The following XYLB variants were observed in gnomAD, a reference collection of about 807,000 sequenced individuals.
The protein encoded by XYLB is xylulokinase.
In XYLB, 62 loss-of-function variants were observed where a neutral mutation model predicts 78.7. The observed-to-expected ratio is 0.79, with a 90% CI of 0.64 to 0.97. The LOEUF (loss-of-function observed/expected upper bound fraction) is 0.97. XYLB is among the 50% of genes least tolerant of loss of function. The pLI, the probability that XYLB is intolerant of heterozygous loss-of-function variation, is 0.00. For synonymous variants in XYLB, 245 were observed against 247.4 expected, an observed-to-expected ratio of 0.99 and a Z score of 0.09; for missense variants, 687 against 676.8, an observed-to-expected ratio of 1.02 and a Z score of -0.17.
At chr3:38,396,298 G>T (rs1489324149) in intron 16 of XYLB, among the ~76,000 whole-genome samples, 1 of 152,220 alleles carries the variant, frequency 6.6e-6, no homozygotes, top group Non-Finnish European at 1.5e-5. Context: ...GTCTTGTCTG[G>T]AGTCTACTTC....
Position 38,346,813 on chromosome 3 carries a change from T to C in XYLB, c.-56T>C. The C allele has an allele frequency of 1.4e-6, 2 of 1,456,706 alleles. No homozygotes were observed. The highest frequency in any genetic ancestry group is 1.8e-6 in the Non-Finnish European group (2 of 1,099,558). 90.2% of individuals were successfully genotyped at this position (1,456,706 alleles called of 1,614,324 possible). On this transcript the variant is annotated 5_prime_UTR_variant, in exon 1 of 19. Coordinates refer to ENST00000207870, the MANE Select transcript of XYLB (RefSeq NM_005108.4). ...TCTGGGCGCTGGAGCGCGGCGACTA[T>C]CACGCCGCGTGGCGGACGGACGGAC... is the stretch of plus-strand genomic sequence containing the variant.
chr3:38,366,943 C>A, intron 7 of XYLB, 70 bp downstream of exon 7: 3 of 1,065,288 alleles, frequency 2.8e-6, no homozygotes, highest in Non-Finnish European at 4.3e-6. Flanking sequence ...AGAATAGATA[C>A]ATCTTACGTG....
intron 18 of XYLB, among the ~76,000 whole-genome samples, chr3:38,410,088 C>A (rs967258344): frequency 5.4e-4 from 82 of 152,206 alleles, no homozygotes; most frequent in Non-Finnish European, 9.3e-4. Flanking sequence ...CAATCCTAAG[C>A]CAAAAGAACA....
At chr3:38,430,538 T>C in the XYLB span, among the ~76,000 whole-genome samples, 1 of 152,380 alleles carries the variant, frequency 6.6e-6, no homozygotes, top group Non-Finnish European at 1.5e-5. Context: ...TCTTTTGCTG[T>C]GCAGAAGCTC....
rs1209655764 is a variant in XYLB, at chr3:38,407,705, G to A, written c.1534-5231G>A. 6.4e-3 allele frequency among the ~76,000 whole-genome samples: 977 copies of A among 151,490 alleles called. 3 individuals carry two copies. Among genetic ancestry groups the A allele is most frequent in the Non-Finnish European group, 0.011 (750 of 67,820 alleles). On this transcript the variant is annotated intron_variant, in intron 18 of 18. Coordinates refer to ENST00000207870, the MANE Select transcript of XYLB (RefSeq NM_005108.4). ...TGGAGGAAGATCTACCAAACAAATG[G>A]AAAACAAAAAAAGGCAGGGGTTGCA...
rs568516291 is a variant in XYLB, at chr3:38,414,746, G to A, written c.*1733G>A. 3 of 152,068 alleles carry A rather than the reference G, an allele frequency of 2.0e-5. No individual in the cohort carries two copies. Among genetic ancestry groups the A allele is most frequent in the African/African-American group, 7.2e-5 (3 of 41,408 alleles). 9.4% of individuals were successfully genotyped at this position (152,068 alleles called of 1,614,324 possible). On this transcript the variant is annotated 3_prime_UTR_variant, in exon 19 of 19. Coordinates refer to ENST00000207870, the MANE Select transcript of XYLB (RefSeq NM_005108.4). ...ATAGATATGGTCACAAGTACATTAA[G>A]GCACGTAGAAGGTAGGAGTAAGAAA...
chr3:38,407,350 A>T (rs1390663081), intron 18 of XYLB, among the ~76,000 whole-genome samples: 1 of 152,012 alleles, frequency 6.6e-6, no homozygotes, highest in East Asian at 1.9e-4. Context: ...TTTTGTCACC[A>T]CCAGGCCTGC....
At chr3:38,417,805 G>A (rs888416019), downstream of XYLB, among the ~76,000 whole-genome samples, 6 of 151,186 alleles carry the variant, frequency 4.0e-5, no homozygotes, top group African/African-American at 4.9e-5. Context: ...GCTTGAACCC[G>A]GGAGGTTGAG....
intron 7 of XYLB, 109 bp from the exon 8 acceptor site, chr3:38,368,076 T>C: frequency 1.9e-6 from 2 of 1,045,130 alleles, no homozygotes; most frequent in Non-Finnish European, 3.0e-6. Context: ...TTGTTCAAAG[T>C]TTCCACTTCC....
the XYLB span, among the ~76,000 whole-genome samples, chr3:38,449,428 T>C: frequency 6.6e-6 from 1 of 152,136 alleles, no homozygotes; most frequent in Non-Finnish European, 1.5e-5. Context: ...GCCTTATTTT[T>C]ATTTATTTTT....
intron 2 of XYLB, among the ~76,000 whole-genome samples, chr3:38,358,572 G>A (rs1003613702): frequency 5.9e-5 from 9 of 152,058 alleles, no homozygotes; most frequent in Admixed American, 3.9e-4. Flanking sequence ...TTGAACTCCC[G>A]ACTTCAGGTG....
At chr3:38,428,194 A>G in the XYLB span, among the ~76,000 whole-genome samples, 6 of 152,346 alleles carry the variant, frequency 3.9e-5, no homozygotes, top group East Asian at 1.9e-4. Flanking sequence ...TATGCTCTGC[A>G]TAAATTCAAG....
the XYLB span, among the ~76,000 whole-genome samples, chr3:38,442,055 G>A: frequency 2.6e-5 from 4 of 152,212 alleles, no homozygotes; most frequent in South Asian, 2.1e-4. Flanking sequence ...TGGCCATCTC[G>A]CTCTATCTGG....
chr3:38,376,279 C>T lies in XYLB; in HGVS notation c.1120+47C>T, dbSNP rs373450802. 1.6e-5 allele frequency: 23 copies of T among 1,405,212 alleles called. 1 individual carries two copies. Among genetic ancestry groups the T allele is most frequent in the Middle Eastern group, 1.8e-4 (1 of 5,590 alleles). The allele number at this position is 1,405,212 out of a possible 1,614,324, so 87.0% of individuals were successfully genotyped here. A position where few individuals can be genotyped will look rare whatever the true frequency, so the allele number is the denominator to read the frequency against. On this transcript the variant is annotated intron_variant, in intron 13 of 18. Coordinates refer to ENST00000207870, the MANE Select transcript of XYLB (RefSeq NM_005108.4). ...AGGCCTGTGAAGGGTCAGCAGCTGCCGACTGGAGGGGCAGAGCCTGGGGCC... is the reference window on the plus strand; with the variant it reads ...AGGCCTGTGAAGGGTCAGCAGCTGCTGACTGGAGGGGCAGAGCCTGGGGCC...
downstream of XYLB, among the ~76,000 whole-genome samples, chr3:38,418,562 A>C (rs1708877354): frequency 6.6e-6 from 1 of 152,246 alleles, no homozygotes; most frequent in Non-Finnish European, 1.5e-5. Context: ...GCACATATAC[A>C]TTAATATACG....
chr3:38,412,956 C>T lies in XYLB; in HGVS notation c.1554C>T (p.Pro518=), dbSNP rs935346202. ...GASQVYEALL[P]QYAKLEQRIL... is the part of the protein sequence containing the mutation. ...TCTAGGTCTACGAGGCCCTTCTCCC[C>T]CAGTATGCCAAACTCGAGCAGAGAA... The change falls in exon 19 of 19, where the codon CCC becomes CCT. Residue 518 remains proline, a synonymous_variant. Coordinates refer to ENST00000207870, the MANE Select transcript of XYLB (RefSeq NM_005108.4). 6.9e-6 allele frequency: 11 copies of T among 1,603,444 alleles called. No individual in the cohort carries two copies. Among genetic ancestry groups the T allele is most frequent in the Non-Finnish European group, 9.4e-6 (11 of 1,175,504 alleles).
At chr3:38,450,577 G>A in the XYLB span, among the ~76,000 whole-genome samples, 90 of 152,236 alleles carry the variant, frequency 5.9e-4, no homozygotes, top group Non-Finnish European at 8.1e-4. Flanking sequence ...TTGCCTTTCA[G>A]TTTTTGGTCA....
At chr3:38,395,334 A>C (rs1707823826) in intron 15 of XYLB, among the ~76,000 whole-genome samples, 171 bp from the exon 16 acceptor site, 1 of 152,200 alleles carries the variant, frequency 6.6e-6, no homozygotes. Flanking sequence ...AATGAATGTG[A>C]CAGGCCTGCA....
In XYLB at chr3:38,397,823, C is replaced by CTT. The variant is rs71085321; in HGVS notation, c.1438+677_1438+678dup. Among the ~76,000 whole-genome samples the CTT allele has an allele frequency of 5.6e-3, 779 of 138,602 alleles. 3 individuals carry two copies. The highest frequency in any genetic ancestry group is 0.015 in the African/African-American group (587 of 38,094). 90.9% of individuals were successfully genotyped at this position (138,602 alleles called of 152,430 possible). On this transcript the variant is annotated intron_variant, in intron 17 of 18. Coordinates refer to ENST00000207870, the MANE Select transcript of XYLB (RefSeq NM_005108.4). ...CTATTTCAGCTTATATTTTTCTTTTCTTTTTTTTTTTTTTGAGACGGAGTC... is the reference window on the plus strand; with the variant it reads ...CTATTTCAGCTTATATTTTTCTTTTCTTTTTTTTTTTTTTTTGAGACGGAGTC...
Sources: allele counts gnomAD v4.1 joint callset (sites outside exome capture counted in the v4.1 genomes callset), GRCh38; gene constraint gnomAD v4.1.1; transcripts MANE v1.5; gene names NCBI Gene and HGNC (gene_info 2026-07-23, HGNC 2026-07-21).